CDH8: variants seen among roughly 807,000 people sequenced by gnomAD.
CDH8 encodes the protein cadherin 8.
A neutral mutation model predicts 68.1 loss-of-function variants in CDH8; 17 were observed. The ratio of observed to expected loss-of-function variants is 0.25; its 90% confidence interval spans 0.17 to 0.37. The LOEUF (loss-of-function observed/expected upper bound fraction) is 0.37. Among genes scored for constraint, CDH8 ranks in the 10% least tolerant of loss-of-function variants. CDH8 has a pLI of 1.00. For missense variants in CDH8, 763 were observed against 999.3 expected, an observed-to-expected ratio of 0.76 and a Z score of 3.19; for synonymous variants, 372 against 365.1, an observed-to-expected ratio of 1.02 and a Z score of -0.21.
intron 10 of CDH8, among the ~76,000 whole-genome samples, chr16:61,699,226 T>C (rs1016433287): frequency 2.6e-5 from 4 of 152,216 alleles, no homozygotes; most frequent in African/African-American, 9.6e-5. Context: ...AGTTCTTTGA[T>C]GCAAAACTCC....
intron 8 of CDH8, among the ~76,000 whole-genome samples, chr16:61,765,041 C>G (rs1235846807): frequency 1.3e-5 from 2 of 152,002 alleles, no homozygotes; most frequent in African/African-American, 4.8e-5. Flanking sequence ...GAGCTGTAAA[C>G]TGGATAAATT....
intron 3 of CDH8, among the ~76,000 whole-genome samples, chr16:61,878,921 T>C (rs1186983460): frequency 1.3e-5 from 2 of 152,186 alleles, no homozygotes; most frequent in Non-Finnish European, 2.9e-5. Flanking sequence ...AGTTTCCATT[T>C]AACGCACCAT....
At chr16:61,886,416 C>T (rs1963673465) in intron 3 of CDH8, among the ~76,000 whole-genome samples, 1 of 152,156 alleles carries the variant, frequency 6.6e-6, no homozygotes, top group African/African-American at 2.4e-5. Context: ...CTTTTGAATC[C>T]CCCTGGTCAC....
chr16:61,824,492 C>T (rs75047379), intron 5 of CDH8, among the ~76,000 whole-genome samples: 3,357 of 151,888 alleles, frequency 0.022, 130 homozygotes, highest in African/African-American at 0.077. Context: ...ATGTTGGCTG[C>T]CTAGAATGCA....
intron 2 of CDH8, among the ~76,000 whole-genome samples, chr16:61,993,815 TA>T (rs930648682): frequency 6.6e-6 from 1 of 151,982 alleles, no homozygotes. Context: ...TGTACACAAA[TA>T]AAAAAAATTC....
At chr16:61,759,048 C>A (rs372168518) in intron 8 of CDH8, among the ~76,000 whole-genome samples, 2 of 152,048 alleles carry the variant, frequency 1.3e-5, no homozygotes, top group Non-Finnish European at 2.9e-5. Flanking sequence ...GTCTCATAGA[C>A]CCTCTACTAA....
intron 4 of CDH8, among the ~76,000 whole-genome samples, chr16:61,853,987 AATAT>A (rs1962991781): frequency 6.6e-6 from 1 of 151,924 alleles, no homozygotes; most frequent in Non-Finnish European, 1.5e-5. Context: ...TGTATGTATA[AATAT>A]ATATGTATAT....
intron 8 of CDH8, among the ~76,000 whole-genome samples, chr16:61,733,881 A>G (rs1959604416): frequency 6.6e-6 from 1 of 152,094 alleles, no homozygotes; most frequent in South Asian, 2.1e-4. Flanking sequence ...CCAGTAAATG[A>G]TCAATGAATA....
chr16:61,960,609 C>A (rs1965137394), intron 2 of CDH8, among the ~76,000 whole-genome samples: 1 of 152,072 alleles, frequency 6.6e-6, no homozygotes, highest in Non-Finnish European at 1.5e-5. Context: ...GTTGAAAGAA[C>A]TGCAGTATAA....
chr16:61,760,351 G>T (rs866646358), intron 8 of CDH8, among the ~76,000 whole-genome samples: 1 of 150,530 alleles, frequency 6.6e-6, no homozygotes, highest in Non-Finnish European at 1.5e-5. Context: ...TCACTCAGTC[G>T]CCCAAGCTGG....
intron 3 of CDH8, among the ~76,000 whole-genome samples, chr16:61,864,361 C>G (rs1405851280): frequency 6.6e-6 from 1 of 151,686 alleles, no homozygotes; most frequent in Non-Finnish European, 1.5e-5. Context: ...AAGTCTCCAC[C>G]CCCTCCCCAT....
At chr16:61,774,489 C>T (rs1596955500) in intron 8 of CDH8, among the ~76,000 whole-genome samples, 1 of 150,790 alleles carries the variant, frequency 6.6e-6, no homozygotes, top group Non-Finnish European at 1.5e-5. Flanking sequence ...ACATAAAGAT[C>T]CAGAAAGCCA....
At chr16:61,843,364 T>C (rs553654279) in intron 4 of CDH8, among the ~76,000 whole-genome samples, 1 of 152,326 alleles carries the variant, frequency 6.6e-6, no homozygotes, top group South Asian at 2.1e-4. Flanking sequence ...GTGAAAATCA[T>C]GTATGGGTCG....
intron 8 of CDH8, among the ~76,000 whole-genome samples, chr16:61,756,240 A>T (rs1960315164): frequency 6.6e-6 from 1 of 152,146 alleles, no homozygotes; most frequent in African/African-American, 2.4e-5. Flanking sequence ...ATTTTCTGTC[A>T]CAGTTGCCTC....
At chr16:61,763,436 A>G (rs1319885927) in intron 8 of CDH8, among the ~76,000 whole-genome samples, 1 of 152,154 alleles carries the variant, frequency 6.6e-6, no homozygotes, top group Non-Finnish European at 1.5e-5. Context: ...CTCCTTCGCA[A>G]AGCATCCCAT....
At chr16:61,991,975 T>G (rs912295854) in intron 2 of CDH8, among the ~76,000 whole-genome samples, 6 of 152,064 alleles carry the variant, frequency 3.9e-5, no homozygotes, top group Admixed American at 6.6e-5. Context: ...TGTTGTTGTT[T>G]AACTTGTTGG....
chr16:61,982,838 C>T (rs1190782702), intron 2 of CDH8, among the ~76,000 whole-genome samples: 2 of 152,168 alleles, frequency 1.3e-5, no homozygotes, highest in Non-Finnish European at 2.9e-5. Context: ...TAAAATAAAA[C>T]AGCATATCCT....
intron 8 of CDH8, among the ~76,000 whole-genome samples, chr16:61,777,151 C>T (rs1960923594): frequency 2.0e-5 from 3 of 152,092 alleles, no homozygotes; most frequent in Admixed American, 2.0e-4. Context: ...TTATTTTCTC[C>T]TCCCAGTCCT....
intron 6 of CDH8, among the ~76,000 whole-genome samples, chr16:61,819,727 C>T (rs768317418): frequency 4.1e-4 from 62 of 151,986 alleles, no homozygotes; most frequent in Non-Finnish European, 7.8e-4. Context: ...AAATATGTCT[C>T]GTGTAACATG....
Sources: allele counts gnomAD v4.1 joint callset (sites outside exome capture counted in the v4.1 genomes callset), GRCh38; gene constraint gnomAD v4.1.1; transcripts MANE v1.5; gene names NCBI Gene and HGNC (gene_info 2026-07-23, HGNC 2026-07-21).